DKK3: variants seen among roughly 807,000 people sequenced by gnomAD.
DKK3 encodes dickkopf-related protein 3.
In DKK3, 22 loss-of-function variants were observed where a neutral mutation model predicts 33.2. That is an observed-to-expected ratio of 0.66 (90% CI 0.47 to 0.95). DKK3 has a LOEUF of 0.95. Ranked by LOEUF, DKK3 falls within the 40% of genes least tolerant of loss-of-function variation. DKK3 has a pLI of 0.00. For synonymous variants in DKK3, 194 were observed against 188.8 expected, an observed-to-expected ratio of 1.03 and a Z score of -0.23; for missense variants, 398 against 458.4, an observed-to-expected ratio of 0.87 and a Z score of 1.20.
At position 11,968,392 on chromosome 11, in the gene DKK3, C is replaced by T. The variant is rs201441906; in HGVS notation, c.528+3G>A. ...ACAGCCCCAGAGGCCCTGGCATACT[C>T]ACCATCCTCTGGCCCCGGCATGGCT... On this transcript the variant is annotated splice_donor_region_variant and intron_variant, in intron 4 of 6. Transcript: ENST00000683431. The T allele has an allele frequency of 1.9e-6, 3 of 1,611,570 alleles. No homozygotes were observed. The East Asian group carries it at 6.7e-5, about 36-fold the overall frequency.
rs963003618 is a variant in DKK3 at position 12,008,324 on chromosome 11, C to G, written c.213+46G>C. 1 of 1,567,246 alleles carries G rather than the reference C, an allele frequency of 6.4e-7. No homozygotes were observed. The highest frequency in any genetic ancestry group is 8.6e-7 in the Non-Finnish European group (1 of 1,162,542). On this transcript the variant is annotated intron_variant, in intron 1 of 6. Transcript: ENST00000683431. This position sits in a 1 kb window ranked among gnomAD's most constrained non-coding sequence, Gnocchi z 4.6. ...CATGCCTTCCCAGACTTCGCTGCCC[C>G]CAGTCTGGCGCTTCTCAGAGCCCCG... is the stretch of plus-strand genomic sequence containing the variant.
intron 3 of DKK3, among the ~76,000 whole-genome samples, chr11:11,982,703 G>A (rs375631257): frequency 3.9e-5 from 6 of 152,248 alleles, no homozygotes; most frequent in East Asian, 1.9e-4. Flanking sequence ...GCCAGTCCTC[G>A]GGCCACAAGT....
intron 3 of DKK3, among the ~76,000 whole-genome samples, chr11:11,997,825 C>G (rs1480350071): frequency 6.6e-6 from 1 of 152,208 alleles, no homozygotes; most frequent in African/African-American, 2.4e-5. Context: ...ACCTTCCTAA[C>G]TGTCATCCAT....
Position 12,004,037 on chromosome 11 carries a change from A to C in DKK3, c.214-1600T>G, listed in dbSNP as rs1409464545. On this transcript the variant is annotated intron_variant, in intron 1 of 6. Coordinates refer to ENST00000683431, the MANE Select transcript of DKK3 (RefSeq NM_001018057.2). The stretch of plus-strand genomic sequence containing the variant: ...ACTTGATCACTGGCTTCATAACAAT[A>C]ATAATTCTAAGAATAGCCCCCACGT... Among the ~76,000 whole-genome samples, 5 of 152,244 alleles carry C rather than the reference A, an allele frequency of 3.3e-5. No homozygotes were observed. The East Asian group carries it at 9.6e-4, about 29-fold the overall frequency.
intron 3 of DKK3, among the ~76,000 whole-genome samples, chr11:11,993,317 A>C (rs1238040161): frequency 6.6e-6 from 1 of 152,082 alleles, no homozygotes; most frequent in Non-Finnish European, 1.5e-5. Flanking sequence ...AAACTAAGAG[A>C]TTTCATATAC....
intron 1 of DKK3, among the ~76,000 whole-genome samples, chr11:12,003,889 T>C (rs1848482769): frequency 6.6e-6 from 1 of 152,160 alleles, no homozygotes; most frequent in South Asian, 2.1e-4. Context: ...CATGTCTCAA[T>C]GCAACACAAA....
chr11:11,977,411 G>A (rs550552593), intron 3 of DKK3, among the ~76,000 whole-genome samples: 39 of 152,114 alleles, frequency 2.6e-4, no homozygotes, highest in Admixed American at 1.6e-3. Flanking sequence ...CCAGGCCACC[G>A]AGAGCCAGCC....
intron 3 of DKK3, among the ~76,000 whole-genome samples, chr11:11,974,732 T>C (rs1459889407): frequency 1.3e-5 from 2 of 152,094 alleles, no homozygotes. Flanking sequence ...GCAGCTGCCA[T>C]TCACTAAAAG....
rs551525703 is a variant in DKK3, at chr11:11,999,074, A to G, written c.352-295T>C. On this transcript the variant is annotated intron_variant, in intron 2 of 6. Transcript: ENST00000683431. ...GTGCCCAACACCCAGCAAAACGCTC[A>G]AAGATGTCAGCTGTTTCTATCTTTC... 5.6e-4 allele frequency among the ~76,000 whole-genome samples: 86 copies of G among 152,278 alleles called. 1 individual carries two copies. Among genetic ancestry groups the G allele is most frequent in the Non-Finnish European group, 1.1e-3 (78 of 68,020 alleles).
At chr11:11,991,981 AT>A (rs200716329) in intron 3 of DKK3, among the ~76,000 whole-genome samples, 6 of 151,908 alleles carry the variant, frequency 3.9e-5, no homozygotes, top group African/African-American at 1.2e-4. Context: ...TGACTTGTTT[AT>A]TTTTTTTGTC....
chr11:11,972,062 T>C (rs1165594363), intron 3 of DKK3, among the ~76,000 whole-genome samples: 3 of 152,218 alleles, frequency 2.0e-5, no homozygotes, highest in African/African-American at 7.2e-5. Flanking sequence ...GTGGTCATAC[T>C]AGAGACTTCC....
In DKK3 at chr11:11,968,382, C is replaced by G; in HGVS notation, c.528+13G>C. The G allele has an allele frequency of 6.2e-7, 1 of 1,609,228 alleles. No individual in the cohort carries two copies. Among genetic ancestry groups the G allele is most frequent in the Non-Finnish European group, 8.5e-7 (1 of 1,177,102 alleles). On this transcript the variant is annotated intron_variant, in intron 4 of 6. Coordinates refer to ENST00000683431, the MANE Select transcript of DKK3 (RefSeq NM_001018057.2). ...CCCTGGTGCCACAGCCCCAGAGGCC[C>G]TGGCATACTCACCATCCTCTGGCCC... is the stretch of plus-strand genomic sequence containing the variant.
intron 2 of DKK3, among the ~76,000 whole-genome samples, chr11:12,000,342 G>A (rs1848398500): frequency 6.6e-6 from 1 of 151,942 alleles, no homozygotes; most frequent in Non-Finnish European, 1.5e-5. Flanking sequence ...GAGTAGCTGG[G>A]ACTACAGGTG....
rs117580019 is a variant in DKK3 at position 12,004,533 on chromosome 11, G to A, written c.214-2096C>T. On this transcript the variant is annotated intron_variant, in intron 1 of 6. Transcript: ENST00000683431. ...TCAAGTCATTGCCTGCAGCATCCTC[G>A]GAGAGGAACACAGTGGAAAGTACCA... Among the ~76,000 whole-genome samples, 112 of 152,284 alleles carry A rather than the reference G, an allele frequency of 7.4e-4. 2 individuals carry two copies. In the East Asian group the frequency reaches 0.02, roughly 27 times the overall value.
At chr11:11,980,661 T>C (rs916450329) in intron 3 of DKK3, among the ~76,000 whole-genome samples, 53 of 152,182 alleles carry the variant, frequency 3.5e-4, no homozygotes, top group African/African-American at 1.2e-3. Flanking sequence ...ACTGGGCAAC[T>C]AGCGCCTCTC....
intron 3 of DKK3, among the ~76,000 whole-genome samples, chr11:11,987,798 C>A (rs1265628114): frequency 6.6e-6 from 1 of 152,212 alleles, no homozygotes; most frequent in African/African-American, 2.4e-5. Context: ...GCACCTTAGC[C>A]ACCATCATCT....
At chr11:12,006,709 C>T (rs1165412721) in intron 1 of DKK3, among the ~76,000 whole-genome samples, 2 of 152,228 alleles carry the variant, frequency 1.3e-5, no homozygotes, top group African/African-American at 4.8e-5. Flanking sequence ...CCCCACACTG[C>T]TCTGCTCAAG....
intron 6 of DKK3, among the ~76,000 whole-genome samples, chr11:11,964,904 CCCT>C (rs573740771): frequency 6.6e-6 from 1 of 152,160 alleles, no homozygotes; most frequent in Non-Finnish European, 1.5e-5. Flanking sequence ...GGGCAGCTTC[CCCT>C]CCTCCAGCGC....
upstream of DKK3, chr11:12,009,152 C>G: frequency 1.0e-6 from 1 of 985,278 alleles, no homozygotes. Flanking sequence ...TCCCCTCCCC[C>G]GCCGCCGCCC....
Sources: allele counts gnomAD v4.1 joint callset (sites outside exome capture counted in the v4.1 genomes callset), GRCh38; gene constraint gnomAD v4.1.1; non-coding constraint Gnocchi (gnomAD v3.1); transcripts MANE v1.5; gene names NCBI Gene and HGNC (gene_info 2026-07-23, HGNC 2026-07-21).